Variants in TFEC observed in about 807,000 individuals in gnomAD.
The protein encoded by TFEC is class E basic helix-loop-helix protein 34.
A neutral mutation model predicts 41.6 loss-of-function variants in TFEC; 31 were observed. That is an observed-to-expected ratio of 0.74 (90% CI 0.56 to 1.01). The LOEUF (loss-of-function observed/expected upper bound fraction) is 1.01, where lower values mean the gene tolerates loss of function less well. TFEC is among the 50% of genes least tolerant of loss of function. The pLI is 0.00. For missense variants in TFEC, 402 were observed against 404.1 expected, an observed-to-expected ratio of 0.99 and a Z score of 0.04; for synonymous variants, 143 against 140.6, an observed-to-expected ratio of 1.02 and a Z score of -0.12.
chr7:116,051,616 A>C (rs1796314359), intron 3 of TFEC, among the ~76,000 whole-genome samples: 1 of 152,192 alleles, frequency 6.6e-6, no homozygotes, highest in African/African-American at 2.4e-5. Flanking sequence ...ACATTTTATA[A>C]TTTATATTTA....
Position 115,998,821 on chromosome 7 carries a change from A to G in TFEC, c.-72-14308T>C, listed in dbSNP as rs1180381592. Reference sequence around the variant, plus strand: ...TATGTGCCCCAAAACTGGAGCATCCAGATATATAAAACAAATATTATTAGC... The same window carrying G: ...TATGTGCCCCAAAACTGGAGCATCCGGATATATAAAACAAATATTATTAGC... On this transcript the variant is annotated intron_variant, in intron 1 of 7. Transcript: ENST00000265440. Among the ~76,000 whole-genome samples, 3 of 150,358 alleles carry G rather than the reference A, an allele frequency of 2.0e-5. No homozygotes were observed. In the Admixed American group the frequency reaches 2.0e-4, roughly 10 times the overall value.
intron 3 of TFEC, among the ~76,000 whole-genome samples, chr7:116,061,324 T>C (rs1796551741): frequency 6.6e-6 from 1 of 152,116 alleles, no homozygotes; most frequent in Non-Finnish European, 1.5e-5. Flanking sequence ...TATGGACAAC[T>C]GATTTTGACC....
chr7:115,948,365 T>C (rs1410992592), intron 6 of TFEC, among the ~76,000 whole-genome samples: 6 of 152,072 alleles, frequency 3.9e-5, no homozygotes, highest in African/African-American at 1.2e-4. Flanking sequence ...AGCATCATCC[T>C]GATACCAAAG....
intron 1 of TFEC, among the ~76,000 whole-genome samples, chr7:116,116,879 T>C (rs1054738890): frequency 1.6e-4 from 25 of 151,896 alleles, no homozygotes; most frequent in African/African-American, 5.6e-4. Context: ...GAATCAGTTC[T>C]TAATGGGAAA....
At position 116,116,765 on chromosome 7, in the gene TFEC, G is replaced by T. The variant is rs61447525; in HGVS notation, c.-68-4727C>A. On this transcript the variant is annotated intron_variant, in intron 1 of 8. Transcript: ENST00000484212. ...GCTGATTCTCATTGAAGGGTCTACT[G>T]ATTCTTTCAATCAGGTTCTCTAGTT... Among the ~76,000 whole-genome samples, 492 of 151,916 alleles carry T rather than the reference G, an allele frequency of 3.2e-3. 5 individuals carry two copies. Among genetic ancestry groups the T allele is most frequent in the African/African-American group, 0.011 (475 of 41,502 alleles).
intron 1 of TFEC, among the ~76,000 whole-genome samples, chr7:116,139,864 A>G (rs927494900): frequency 1.1e-4 from 17 of 152,200 alleles, no homozygotes; most frequent in African/African-American, 3.6e-4. Context: ...TAAACAGAAG[A>G]TAGAAAGAAA....
intron 3 of TFEC, among the ~76,000 whole-genome samples, chr7:115,967,164 A>G (rs1792894229): frequency 6.6e-6 from 1 of 151,674 alleles, no homozygotes. Flanking sequence ...ATATAGTCAC[A>G]TATTATATTT....
chr7:116,096,588 CG>C (rs1446946057), intron 3 of TFEC, among the ~76,000 whole-genome samples: 1 of 145,248 alleles, frequency 6.9e-6, no homozygotes, highest in Admixed American at 6.8e-5. Flanking sequence ...TCTTACTATG[CG>C]TTTTTTTTTT....
intron 3 of TFEC, among the ~76,000 whole-genome samples, chr7:116,079,497 C>G (rs1797039278): frequency 6.6e-6 from 1 of 151,916 alleles, no homozygotes; most frequent in East Asian, 1.9e-4. Flanking sequence ...GGATACAAAA[C>G]TCATGTACAC....
intron 1 of TFEC, among the ~76,000 whole-genome samples, chr7:116,145,096 AC>A (rs1172121285): frequency 6.6e-6 from 1 of 151,948 alleles, no homozygotes; most frequent in Non-Finnish European, 1.5e-5. Context: ...CAATCACCCC[AC>A]CTTTTTCCTT....
At chr7:115,945,417 T>C (rs1292790361) in intron 6 of TFEC, among the ~76,000 whole-genome samples, 2 of 151,550 alleles carry the variant, frequency 1.3e-5, no homozygotes, top group East Asian at 2.0e-4. Context: ...TTTAAGAGGA[T>C]ACACTCTGGA....
chr7:115,968,076 A>G (rs1313421412), intron 3 of TFEC: 5 of 1,126,636 alleles, frequency 4.4e-6, no homozygotes, highest in African/African-American at 3.1e-5. Flanking sequence ...TCAAAGCTCA[A>G]TGTTCACATA....
chr7:115,982,415 A>T (rs896696830), intron 2 of TFEC, among the ~76,000 whole-genome samples: 7 of 152,172 alleles, frequency 4.6e-5, no homozygotes, highest in Admixed American at 1.3e-4. Context: ...CTTGAGTCAG[A>T]CTCCAAGAAC....
At chr7:116,090,701 T>C (rs1264950044) in intron 3 of TFEC, among the ~76,000 whole-genome samples, 3 of 152,084 alleles carry the variant, frequency 2.0e-5, no homozygotes, top group Non-Finnish European at 4.4e-5. Context: ...AATATATTAG[T>C]TCAAGGTTGA....
chr7:115,974,599 A>G (rs1255373697), intron 2 of TFEC, among the ~76,000 whole-genome samples: 1 of 150,698 alleles, frequency 6.6e-6, no homozygotes, highest in Admixed American at 6.6e-5. Context: ...ATCTACATAA[A>G]TAGAGTGGTT....
At position 116,074,182 on chromosome 7, in the gene TFEC, ACAT is replaced by A. The variant is rs543506889; in HGVS notation, c.198+36523_198+36525del. On this transcript the variant is annotated intron_variant, in intron 3 of 8. Coordinates refer to the TFEC transcript ENST00000484212. ...AAATATGTATTTACCTAAATATTAT[ACAT>A]TATATATTTTTTGTGTATGTGTATA... Among the ~76,000 whole-genome samples, 54 of 105,846 alleles carry A rather than the reference ACAT, an allele frequency of 5.1e-4. No individual in the cohort carries two copies. The South Asian group carries it at 0.014, about 28-fold the overall frequency. The allele number at this position is 105,846 out of a possible 152,430, so 69.4% of individuals were successfully genotyped here.
chr7:115,941,413 C>T (rs78071601), intron 7 of TFEC: 4,749 of 163,968 alleles, frequency 0.029, 257 homozygotes, highest in African/African-American at 0.11. Context: ...TTAATATACA[C>T]TGTCACAACA....
chr7:116,088,863 G>A (rs1426556815), intron 3 of TFEC, among the ~76,000 whole-genome samples: 2 of 151,728 alleles, frequency 1.3e-5, no homozygotes, highest in Non-Finnish European at 2.9e-5. Flanking sequence ...CACAGATGTG[G>A]GCAGAGAGGG....
chr7:116,122,688 C>T (rs957662001), intron 1 of TFEC, among the ~76,000 whole-genome samples: 2 of 152,050 alleles, frequency 1.3e-5, no homozygotes, highest in African/African-American at 4.8e-5. Context: ...AGCATATGAA[C>T]TCCAGCATAT....
Sources: allele counts gnomAD v4.1 joint callset (sites outside exome capture counted in the v4.1 genomes callset), GRCh38; gene constraint gnomAD v4.1.1; transcripts MANE v1.5; gene names NCBI Gene and HGNC (gene_info 2026-07-23, HGNC 2026-07-21).